KCNQ3: variants seen among roughly 807,000 people sequenced by gnomAD.
KCNQ3 encodes potassium voltage-gated channel subfamily Q member 3.
Under a neutral mutation model 92.5 loss-of-function variants are expected in KCNQ3, and 30 were observed. The observed-to-expected ratio is 0.32, with a 90% CI of 0.24 to 0.44. The LOEUF is 0.44. KCNQ3 is among the 20% of genes least tolerant of loss of function. The pLI is 1.00. For missense variants in KCNQ3, 913 were observed against 1,140.3 expected, an observed-to-expected ratio of 0.80 and a Z score of 2.87; for synonymous variants, 450 against 468.8, an observed-to-expected ratio of 0.96 and a Z score of 0.52.
intron 1 of KCNQ3, among the ~76,000 whole-genome samples, chr8:132,466,527 C>T (rs897898062): frequency 6.6e-6 from 1 of 152,154 alleles, no homozygotes; most frequent in Non-Finnish European, 1.5e-5. Flanking sequence ...CCTGGCTGTT[C>T]TAGATGGCAT....
intron 1 of KCNQ3, among the ~76,000 whole-genome samples, chr8:132,351,359 A>T (rs1176623375): frequency 6.6e-6 from 1 of 152,168 alleles, no homozygotes; most frequent in Non-Finnish European, 1.5e-5. Context: ...TACTCAATCA[A>T]AAACTACATC....
At chr8:132,199,247 C>T (rs1271318105) in intron 1 of KCNQ3, among the ~76,000 whole-genome samples, 3 of 152,082 alleles carry the variant, frequency 2.0e-5, no homozygotes, top group African/African-American at 7.2e-5. Flanking sequence ...CAATCCTACC[C>T]CTAAATGTTG....
Position 132,257,057 on chromosome 8 carries a change from G to A in KCNQ3, c.387-70876C>T, listed in dbSNP as rs563385250. Among the ~76,000 whole-genome samples, 7 of 152,232 alleles carry A rather than the reference G, an allele frequency of 4.6e-5. No homozygotes were observed. In the South Asian group the frequency reaches 1.4e-3, roughly 32 times the overall value. Reference sequence around the variant, plus strand: ...AAGAAATAATTATAAATGTTTGTGAGCATGCAATGTATAAAGACACAGTTT... The same window carrying A: ...AAGAAATAATTATAAATGTTTGTGAACATGCAATGTATAAAGACACAGTTT... On this transcript the variant is annotated intron_variant, in intron 1 of 14. Coordinates refer to ENST00000388996, the MANE Select transcript of KCNQ3 (RefSeq NM_004519.4).
chr8:132,247,547 G>C, intron 1 of KCNQ3, among the ~76,000 whole-genome samples: 1 of 152,144 alleles, frequency 6.6e-6, no homozygotes, highest in Non-Finnish European at 1.5e-5. Context: ...AGCACTTTCA[G>C]AGGTCGAGGT....
intron 1 of KCNQ3, among the ~76,000 whole-genome samples, chr8:132,406,164 G>T (rs1394934397): frequency 2.6e-5 from 4 of 152,178 alleles, no homozygotes; most frequent in African/African-American, 9.7e-5. Flanking sequence ...TTAACCCCAG[G>T]TATTGCCTGG....
At chr8:132,280,186 C>G (rs1376723914) in intron 1 of KCNQ3, among the ~76,000 whole-genome samples, 2 of 152,034 alleles carry the variant, frequency 1.3e-5, no homozygotes, top group African/African-American at 2.4e-5. Flanking sequence ...AGAAGATGTC[C>G]CAGGCTGCCA....
At chr8:132,464,190 T>TATC (rs2130860684) in intron 1 of KCNQ3, among the ~76,000 whole-genome samples, 1 of 152,334 alleles carries the variant, frequency 6.6e-6, no homozygotes, top group East Asian at 1.9e-4. Flanking sequence ...CATAAGACTG[T>TATC]ATCACAGCCA....
At chr8:132,130,726 C>T (rs16904603) in intron 14 of KCNQ3, among the ~76,000 whole-genome samples, 20,597 of 152,230 alleles carry the variant, frequency 0.14, 1,676 homozygotes, top group Non-Finnish European at 0.17. Flanking sequence ...GTGATTTAAG[C>T]CCTAAAAATA....
chr8:132,329,174 C>A (rs895976986), intron 1 of KCNQ3, among the ~76,000 whole-genome samples: 1 of 152,140 alleles, frequency 6.6e-6, no homozygotes, highest in African/African-American at 2.4e-5. Context: ...ATCTGCAGAG[C>A]ATGAAAATAG....
chr8:132,176,349 C>A (rs569335174), intron 4 of KCNQ3, among the ~76,000 whole-genome samples: 202 of 152,238 alleles, frequency 1.3e-3, no homozygotes, highest in African/African-American at 4.6e-3. Context: ...AGTTTCAAAA[C>A]CCCTAATGGA....
chr8:132,375,469 C>T (rs2673610), intron 1 of KCNQ3, among the ~76,000 whole-genome samples: 24,341 of 152,096 alleles, frequency 0.16, 2,373 homozygotes, highest in East Asian at 0.36. Context: ...AGAAACTCCA[C>T]TGTACACCCC....
intron 1 of KCNQ3, among the ~76,000 whole-genome samples, chr8:132,251,756 T>C (rs1382446180): frequency 6.6e-6 from 1 of 152,162 alleles, no homozygotes; most frequent in Non-Finnish European, 1.5e-5. Flanking sequence ...ATAAAACAGC[T>C]CAGTCAGAGA....
At chr8:132,144,449 G>C (rs1653539905) in intron 9 of KCNQ3, among the ~76,000 whole-genome samples, 2 of 152,210 alleles carry the variant, frequency 1.3e-5, no homozygotes, top group South Asian at 4.1e-4. Flanking sequence ...TTAAGGTGTT[G>C]TTCTAGGAGG....
intron 1 of KCNQ3, among the ~76,000 whole-genome samples, chr8:132,409,460 TAAA>T: frequency 7.0e-6 from 1 of 142,750 alleles, no homozygotes; most frequent in African/African-American, 2.6e-5. Flanking sequence ...AGATCTCCTG[TAAA>T]AAAAAAAAAA....
intron 8 of KCNQ3, among the ~76,000 whole-genome samples, chr8:132,168,717 A>ATGTGTGTGTGTGTGTGTGTGTG (rs568659056): frequency 1.8e-5 from 2 of 108,464 alleles, no homozygotes; most frequent in African/African-American, 3.8e-5. Flanking sequence ...GATAATGAAT[A>ATGTGTGTGTGTGTGTGTGTGTG]TGTGTGTGTG....
chr8:132,351,550 G>A (rs1439141799), intron 1 of KCNQ3, among the ~76,000 whole-genome samples: 1 of 152,172 alleles, frequency 6.6e-6, no homozygotes, highest in African/African-American at 2.4e-5. Context: ...TTCAAATATA[G>A]GTGTTCCCTC....
At chr8:132,405,626 C>T (rs1173506238) in intron 1 of KCNQ3, among the ~76,000 whole-genome samples, 1 of 152,196 alleles carries the variant, frequency 6.6e-6, no homozygotes, top group African/African-American at 2.4e-5. Flanking sequence ...GATGGGGGGA[C>T]CCTGCCTTCC....
intron 1 of KCNQ3, among the ~76,000 whole-genome samples, chr8:132,415,363 C>G (rs1245428811): frequency 6.6e-6 from 1 of 152,210 alleles, no homozygotes; most frequent in Non-Finnish European, 1.5e-5. Flanking sequence ...AGTGAGGTGT[C>G]TCTTGCCCTG....
Position 132,127,384 on chromosome 8 carries a change from CA to C in KCNQ3, c.*1877del, listed in dbSNP as rs1346438197. 6.6e-6 allele frequency: 1 copy of C among 152,176 alleles called. No individual in the cohort carries two copies. Among genetic ancestry groups the C allele is most frequent in the Non-Finnish European group, 1.5e-5 (1 of 68,048 alleles). 9.4% of individuals were successfully genotyped at this position (152,176 alleles called of 1,614,324 possible). A position where few individuals can be genotyped will look rare whatever the true frequency, so the allele number is the denominator to read the frequency against. ...GGCTTTGGTTCTAAGTTCCTAAAGT[CA>C]GGGGTCAAGCTCTAATCATTACTGT... On this transcript the variant is annotated 3_prime_UTR_variant, in exon 15 of 15. Coordinates refer to ENST00000388996, the MANE Select transcript of KCNQ3 (RefSeq NM_004519.4).
Sources: allele counts gnomAD v4.1 joint callset (sites outside exome capture counted in the v4.1 genomes callset), GRCh38; gene constraint gnomAD v4.1.1; transcripts MANE v1.5; gene names NCBI Gene and HGNC (gene_info 2026-07-23, HGNC 2026-07-21).